The following JTB variants were observed in gnomAD, a reference collection of about 807,000 sequenced individuals.
JTB encodes protein JTB.
In JTB, 10 loss-of-function variants were observed where a neutral mutation model predicts 22.1. The ratio of observed to expected loss-of-function variants is 0.45; its 90% confidence interval spans 0.28 to 0.77. JTB has a LOEUF of 0.77. JTB is among the 30% of genes least tolerant of loss of function. The pLI is 0.13. For missense variants in JTB, 137 were observed against 180.3 expected (o/e 0.76, Z 1.38); for synonymous variants, 83 against 66.8 (o/e 1.24, Z -1.18).
At position 153,977,341 on chromosome 1, in the gene JTB, T is replaced by C; in HGVS notation, c.-89A>G. On this transcript the variant is annotated 5_prime_UTR_variant, in exon 1 of 5. Transcript: ENST00000271843. ...CGGAGCGCAGAGGCGGCACTTACTC[T>C]GCAGCCCTCCCAGAGGTTCCAGGTC... 6.4e-7 allele frequency: 1 copy of C among 1,554,888 alleles called. No individual in the cohort carries two copies. The highest frequency in any genetic ancestry group is 8.7e-7 in the Non-Finnish European group (1 of 1,154,134).
At position 153,974,778 on chromosome 1, in the gene JTB, C is replaced by T. The variant is rs757341393; in HGVS notation, c.342G>A (p.Val114=). ...RLFWKFEGAV[V]CVALIFACLV... ...GACAAGCGAAGATCAGGGCCACACA[C>T]ACGACAGCCCCTTCGAACTTCCAAA... Residue 114 remains valine, a synonymous_variant, in exon 5 of 5, where the codon GTG becomes GTA. Transcript: ENST00000271843. 113 of 1,612,820 alleles carry T rather than the reference C, an allele frequency of 7.0e-5. No homozygotes were observed. The highest frequency in any genetic ancestry group is 9.0e-5 in the Non-Finnish European group (106 of 1,179,010).
chr1:153,976,399 T>C (rs186344619), intron 3 of JTB, among the ~76,000 whole-genome samples: 57 of 152,240 alleles, frequency 3.7e-4, no homozygotes, highest in African/African-American at 1.3e-3. Flanking sequence ...AGGCGGAGGT[T>C]GTGGTGAGCC....
chr1:153,976,787 GATAA>G lies in JTB; in HGVS notation c.122-16_122-13del. ...ATTTGAGGTGCTTGCTGAAAGGAAA[GATAA>G]ATGCCAGCCCCAGGCCATTCAGAAA... On this transcript the variant is annotated splice_polypyrimidine_tract_variant and intron_variant, in intron 2 of 4. Coordinates refer to ENST00000271843, the MANE Select transcript of JTB (RefSeq NM_006694.4). The G allele has an allele frequency of 6.2e-7, 1 of 1,613,800 alleles. No homozygotes were observed. The highest frequency in any genetic ancestry group is 8.5e-7 in the Non-Finnish European group (1 of 1,179,686).
intron 4 of JTB, 112 bp from the exon 5 acceptor site, chr1:153,974,947 G>A (rs1648733414): frequency 2.9e-6 from 3 of 1,038,898 alleles, no homozygotes; most frequent in Admixed American, 2.5e-5. Context: ...TCAGAGCCAG[G>A]CTTCTATTGT....
At chr1:153,975,363 C>G (rs558528713) in intron 4 of JTB, among the ~76,000 whole-genome samples, 1 of 151,728 alleles carries the variant, frequency 6.6e-6, no homozygotes, top group South Asian at 2.1e-4. Flanking sequence ...TCGTGATCCA[C>G]CCGCCTCGGC....
chr1:153,977,045 C>T (rs1430391756), intron 1 of JTB, 32 bp from the exon 2 acceptor site: 1 of 1,614,134 alleles, frequency 6.2e-7, no homozygotes, highest in East Asian at 2.2e-5. Flanking sequence ...GGACAAAAGT[C>T]AAAACCCAGA....
rs192375713 is a variant in JTB at position 153,977,103 on chromosome 1, G to A, written c.83+67C>T. 5.1e-4 allele frequency: 831 copies of A among 1,613,854 alleles called. 4 individuals carry two copies. The African/African-American group carries it at 9.8e-3, about 19-fold the overall frequency. ...CTGTCCATGGATAAGATCTCCCCCA[G>A]CCCCGAGGCCGGGAACGATCCTGTC... is the stretch of plus-strand genomic sequence containing the variant. On this transcript the variant is annotated intron_variant, in intron 1 of 4. Transcript: ENST00000271843.
chr1:153,974,921 T>C, intron 4 of JTB, 86 bp from the exon 5 acceptor site: 1 of 1,388,638 alleles, frequency 7.2e-7, no homozygotes, highest in Non-Finnish European at 9.9e-7. Flanking sequence ...CTAGCCAGGA[T>C]ACACTCAAGA....
chr1:153,976,470 C>T (rs1021756514), intron 3 of JTB, among the ~76,000 whole-genome samples: 1 of 151,656 alleles, frequency 6.6e-6, no homozygotes, highest in Non-Finnish European at 1.5e-5. Flanking sequence ...CAAAAACAAA[C>T]AAAAAAACCA....
Position 153,974,665 on chromosome 1 carries a change from A to G in JTB, c.*14T>C. 6.2e-7 allele frequency: 1 copy of G among 1,600,964 alleles called. No homozygotes were observed. The highest frequency in any genetic ancestry group is 2.2e-5 in the East Asian group (1 of 44,492). ...TAGGGTCTCTAAGACCCAGGATACA[A>G]GGGTGGAATGTAGCTATATGGACTC... is the stretch of plus-strand genomic sequence containing the variant. On this transcript the variant is annotated 3_prime_UTR_variant, in exon 5 of 5. Transcript: ENST00000271843.
At chr1:153,976,241 A>G (rs1028662667) in intron 3 of JTB, among the ~76,000 whole-genome samples, 1 of 152,250 alleles carries the variant, frequency 6.6e-6, no homozygotes, top group African/African-American at 2.4e-5. Flanking sequence ...AGGCGGGCAG[A>G]TCACGAGGTA....
In JTB at chr1:153,974,663, C is replaced by G. The variant is rs201946005; in HGVS notation, c.*16G>C. ...GATAGGGTCTCTAAGACCCAGGATA[C>G]AAGGGTGGAATGTAGCTATATGGAC... On this transcript the variant is annotated 3_prime_UTR_variant, in exon 5 of 5. Transcript: ENST00000271843. The G allele has an allele frequency of 1.2e-6, 2 of 1,600,754 alleles. No individual in the cohort carries two copies. Among genetic ancestry groups the G allele is most frequent in the South Asian group, 2.2e-5 (2 of 90,752 alleles).
At position 153,977,446 on chromosome 1, in the gene JTB, T is replaced by C. The variant is rs1648835326; in HGVS notation, c.-194A>G. 2.2e-6 allele frequency: 3 copies of C among 1,364,034 alleles called. No individual in the cohort carries two copies. The highest frequency in any genetic ancestry group is 2.9e-5 in the East Asian group (1 of 35,034). 84.5% of individuals were successfully genotyped at this position (1,364,034 alleles called of 1,614,324 possible). Reference sequence around the variant, plus strand: ...CCGTTGCCACAGCGAGAAAAATCGATATGTTTTTGCGGGCTAGGGAGGCGA... The same window carrying C: ...CCGTTGCCACAGCGAGAAAAATCGACATGTTTTTGCGGGCTAGGGAGGCGA... On this transcript the variant is annotated 5_prime_UTR_variant, in exon 1 of 5. The change creates a new upstream start codon in the 5' untranslated region. Transcript: ENST00000271843.
Position 153,975,909 on chromosome 1 carries a change from C to T in JTB, c.205-4G>A. The stretch of plus-strand genomic sequence containing the variant: ...GACCACACTCAGGGGTAGTTTTCTG[C>T]CAGGAGAAAAGGAGCAAAGTACATG... On this transcript the variant is annotated splice_region_variant and splice_polypyrimidine_tract_variant and intron_variant, in intron 3 of 4. Coordinates refer to ENST00000271843, the MANE Select transcript of JTB (RefSeq NM_006694.4). 1 of 1,611,746 alleles carries T rather than the reference C, an allele frequency of 6.2e-7. No individual in the cohort carries two copies. Among genetic ancestry groups the T allele is most frequent in the Non-Finnish European group, 8.5e-7 (1 of 1,178,018 alleles).
intron 3 of JTB, 44 bp from the exon 4 acceptor site, chr1:153,975,949 C>T (rs779587667): frequency 1.4e-5 from 20 of 1,413,122 alleles, no homozygotes; most frequent in Non-Finnish European, 1.4e-5. Context: ...GAAGGGGCAA[C>T]AGGATAAACA....
intron 4 of JTB, 154 bp downstream of exon 4, chr1:153,975,672 A>G (rs1479534295): frequency 1.7e-6 from 1 of 603,372 alleles, no homozygotes; most frequent in Non-Finnish European, 2.9e-6. Context: ...TGTTAGCCTC[A>G]GCCTCCCTAA....
At chr1:153,976,001 G>A (rs572101733) in intron 3 of JTB, 96 bp from the exon 4 acceptor site, 7 of 792,838 alleles carry the variant, frequency 8.8e-6, no homozygotes, top group Non-Finnish European at 1.5e-5. Flanking sequence ...CAACTGCTAT[G>A]GTTTGGAGTG....
chr1:153,975,742 C>A, intron 4 of JTB, 84 bp downstream of exon 4: 1 of 1,104,550 alleles, frequency 9.1e-7, no homozygotes, highest in Admixed American at 1.8e-5. Flanking sequence ...CATGCTACCC[C>A]CAGACCAGGG....
At chr1:153,975,698 G>C in intron 4 of JTB, 128 bp downstream of exon 4, 1 of 743,026 alleles carries the variant, frequency 1.3e-6, no homozygotes, top group South Asian at 1.6e-5. Flanking sequence ...GGGATTATAG[G>C]TGTGAGCCCG....
Sources: allele counts gnomAD v4.1 joint callset (sites outside exome capture counted in the v4.1 genomes callset), GRCh38; gene constraint gnomAD v4.1.1; transcripts MANE v1.5; gene names NCBI Gene and HGNC (gene_info 2026-07-23, HGNC 2026-07-21).